Variants in MIX23 observed in about 807,000 individuals in gnomAD.
MIX23 encodes the protein mitochondrial matrix import factor 23.
MIX23 carries 13 observed loss-of-function variants against 21.6 expected under a neutral mutation model. The observed-to-expected ratio is 0.60, with a 90% confidence interval of 0.39 to 0.96. The LOEUF (loss-of-function observed/expected upper bound fraction) is 0.96, where lower values mean the gene tolerates loss of function less well. MIX23 is among the 40% of genes least tolerant of loss of function. The probability of loss-of-function intolerance (pLI) is 0.00; values close to 1 mark genes in which losing one functional copy is unlikely to be tolerated. For synonymous variants in MIX23, 59 were observed against 58.0 expected, an observed-to-expected ratio of 1.02 and a Z score of -0.08; for missense variants, 144 against 171.2, an observed-to-expected ratio of 0.84 and a Z score of 0.89.
chr3:122,380,161 C>G (rs2075519429), intron 1 of MIX23, among the ~76,000 whole-genome samples: 1 of 152,138 alleles, frequency 6.6e-6, no homozygotes, highest in African/African-American at 2.4e-5. Flanking sequence ...CATTATATAA[C>G]TAAAATACAC....
Position 122,371,745 on chromosome 3 carries a change from G to C in MIX23, c.107C>G (p.Thr36Ser), listed in dbSNP as rs533391720. The C allele has an allele frequency of 6.2e-7, 1 of 1,611,152 alleles. No homozygotes were observed. Among genetic ancestry groups the C allele is most frequent in the Non-Finnish European group, 8.5e-7 (1 of 1,177,710 alleles). Residue 36 changes from threonine to serine, a missense_variant, in exon 2 of 5, where the codon ACT (threonine) becomes AGT (serine). By Grantham distance (58) the Thr-to-Ser change is moderately conservative. Transcript: ENST00000291458. Reference protein sequence around the residue: ...IDDRIVHELNTTVPTASFAGK... With the variant: ...IDDRIVHELNSTVPTASFAGK... ...TGCAAAGGAAGCTGTTGGAACCGTA[G>C]TGTTTAATTCATGTACTATTCTGTC... is the stretch of plus-strand genomic sequence containing the variant.
chr3:122,360,282 A>G lies in MIX23; in HGVS notation c.385-363T>C, dbSNP rs371941079. Among the ~76,000 whole-genome samples, 6 of 152,382 alleles carry G rather than the reference A, an allele frequency of 3.9e-5. No homozygotes were observed. The East Asian group carries it at 7.7e-4, about 20-fold the overall frequency. The stretch of plus-strand genomic sequence containing the variant: ...AAATAAGTTAAATAAAGAATGCTCA[A>G]TAACTAAATGTCCACATGGAACTGT... On this transcript the variant is annotated intron_variant, in intron 4 of 4. Coordinates refer to ENST00000291458, the MANE Select transcript of MIX23 (RefSeq NM_001017928.4).
At chr3:122,372,603 C>A (rs2075450503) in intron 1 of MIX23, among the ~76,000 whole-genome samples, 1 of 152,142 alleles carries the variant, frequency 6.6e-6, no homozygotes, top group South Asian at 2.1e-4. Context: ...AGGAGTATCA[C>A]TTGAACCCAG....
chr3:122,377,625 G>A (rs539844969), intron 1 of MIX23, among the ~76,000 whole-genome samples: 28 of 152,304 alleles, frequency 1.8e-4, no homozygotes, highest in African/African-American at 5.8e-4. Context: ...CAGGCGGGAG[G>A]ACTGCTTACG....
chr3:122,362,231 T>C (rs1434385194), intron 4 of MIX23, among the ~76,000 whole-genome samples: 1 of 152,154 alleles, frequency 6.6e-6, no homozygotes, highest in Non-Finnish European at 1.5e-5. Context: ...TAACAAGTTT[T>C]ATGATCAGGT....
intron 3 of MIX23, among the ~76,000 whole-genome samples, chr3:122,365,946 C>T (rs986030227): frequency 2.2e-4 from 34 of 151,894 alleles, no homozygotes; most frequent in African/African-American, 8.0e-4. Flanking sequence ...GAAGCTGAGA[C>T]GGGCAGATCA....
intron 1 of MIX23, among the ~76,000 whole-genome samples, chr3:122,373,855 GT>G (rs1418891742): frequency 3.9e-5 from 6 of 152,068 alleles, no homozygotes; most frequent in Non-Finnish European, 7.3e-5. Context: ...CTAAAACCAA[GT>G]TCATTATCTT....
intron 1 of MIX23, among the ~76,000 whole-genome samples, chr3:122,376,864 T>C (rs1205561968): frequency 6.6e-6 from 1 of 152,062 alleles, no homozygotes; most frequent in Non-Finnish European, 1.5e-5. Flanking sequence ...TTGGGTACTA[T>C]GTTCATAATT....
rs1576233212 is a variant in MIX23 at position 122,368,406 on chromosome 3, C to T, written c.178-84G>A. On this transcript the variant is annotated intron_variant, in intron 2 of 4. Coordinates refer to ENST00000291458, the MANE Select transcript of MIX23 (RefSeq NM_001017928.4). The stretch of plus-strand genomic sequence containing the variant: ...GTGTTTTTCAAAAAAATCCTTGAGA[C>T]TATAGAAATTCAATACTTTCTAAAA... 5 of 1,326,948 alleles carry T rather than the reference C, an allele frequency of 3.8e-6. No individual in the cohort carries two copies. In the East Asian group the frequency reaches 1.0e-4, roughly 27 times the overall value. The allele number at this position is 1,326,948 out of a possible 1,614,324, so 82.2% of individuals were successfully genotyped here. A position where few individuals can be genotyped will look rare whatever the true frequency, so the allele number is the denominator to read the frequency against.
chr3:122,375,868 C>A (rs1401691434), intron 1 of MIX23, among the ~76,000 whole-genome samples: 1 of 152,008 alleles, frequency 6.6e-6, no homozygotes, highest in Non-Finnish European at 1.5e-5. Context: ...GAAAATAAAT[C>A]ATTATATAAA....
chr3:122,368,556 A>C (rs1416803395), intron 2 of MIX23, among the ~76,000 whole-genome samples: 1 of 152,116 alleles, frequency 6.6e-6, no homozygotes, highest in Admixed American at 6.6e-5. Flanking sequence ...CTCTTCCTCA[A>C]TATGCTCCTG....
chr3:122,365,782 A>G (rs1168416171), intron 3 of MIX23: 2 of 152,210 alleles, frequency 1.3e-5, no homozygotes, highest in African/African-American at 4.8e-5. Flanking sequence ...TCAGTTTCCA[A>G]TTTAACAGCC....
At chr3:122,375,725 G>C (rs943083121) in intron 1 of MIX23, among the ~76,000 whole-genome samples, 2 of 152,086 alleles carry the variant, frequency 1.3e-5, no homozygotes, top group African/African-American at 4.8e-5. Flanking sequence ...GCAGAGAAAA[G>C]GGAACGCTTA....
intron 4 of MIX23, 54 bp downstream of exon 4, chr3:122,362,914 T>TTGCTAGTTCAGTTTCCCTC: frequency 6.8e-7 from 1 of 1,475,696 alleles, no homozygotes. Flanking sequence ...TGGTTTCCCT[T>TTGCTAGTTCAGTTTCCCTC]TGCTAGTTCA....
intron 2 of MIX23, among the ~76,000 whole-genome samples, chr3:122,371,081 T>G (rs184696252): frequency 2.0e-5 from 3 of 152,266 alleles, no homozygotes. Flanking sequence ...AAATAAACTA[T>G]AAAAAAGATT....
At chr3:122,360,491 T>C (rs1347968098) in intron 4 of MIX23, among the ~76,000 whole-genome samples, 1 of 152,112 alleles carries the variant, frequency 6.6e-6, no homozygotes, top group Non-Finnish European at 1.5e-5. Context: ...GGTTTGAGTA[T>C]CTGAAAGCAT....
intron 1 of MIX23, among the ~76,000 whole-genome samples, chr3:122,380,521 G>A (rs986772413): frequency 6.6e-6 from 1 of 152,128 alleles, no homozygotes; most frequent in African/African-American, 2.4e-5. Context: ...TCACTTATGT[G>A]TCAATGAATA....
chr3:122,366,744 A>T (rs936048288), intron 3 of MIX23: 1 of 152,090 alleles, frequency 6.6e-6, no homozygotes, highest in East Asian at 1.9e-4. Flanking sequence ...GTTTGAGATA[A>T]ACCCGTGTAA....
chr3:122,376,512 G>C (rs1307338143), intron 1 of MIX23, among the ~76,000 whole-genome samples: 1 of 152,050 alleles, frequency 6.6e-6, no homozygotes, highest in East Asian at 1.9e-4. Flanking sequence ...CTAACTATTT[G>C]GGACTCTGAG....
Sources: allele counts gnomAD v4.1 joint callset (sites outside exome capture counted in the v4.1 genomes callset), GRCh38; gene constraint gnomAD v4.1.1; transcripts MANE v1.5; gene names NCBI Gene and HGNC (gene_info 2026-07-23, HGNC 2026-07-21).